The following EYS variants were observed in gnomAD, a reference collection of about 807,000 sequenced individuals.
EYS encodes EGF-like photoreceptor maintenance factor.
A neutral mutation model predicts 282.1 loss-of-function variants in EYS; 250 were observed. The observed-to-expected ratio is 0.89, with a 90% CI of 0.80 to 0.98. The LOEUF (loss-of-function observed/expected upper bound fraction) is 0.98, where lower values mean the gene tolerates loss of function less well. Ranked by LOEUF, EYS falls within the 50% of genes least tolerant of loss-of-function variation. EYS has a pLI of 0.00. For missense variants in EYS, 4,016 were observed against 3,709.0 expected, an observed-to-expected ratio of 1.08 and a Z score of -2.15; for synonymous variants, 1,355 against 1,282.9, an observed-to-expected ratio of 1.06 and a Z score of -1.20.
rs374620644 is a variant in EYS, at chr6:64,016,481, C to A, written c.6726-17298G>T. On this transcript the variant is annotated intron_variant, in intron 33 of 42. Coordinates refer to ENST00000503581, the MANE Select transcript of EYS (RefSeq NM_001142800.2). ...CTATGCTATTGGCTGCTGTGTCATACCTTTTTGATTTTTTTTTTTTTTTTT... is the reference window on the plus strand; with the variant it reads ...CTATGCTATTGGCTGCTGTGTCATAACTTTTTGATTTTTTTTTTTTTTTTT... 7.5e-3 allele frequency among the ~76,000 whole-genome samples: 1,075 copies of A among 143,234 alleles called. 7 individuals carry two copies. Among genetic ancestry groups the A allele is most frequent in the African/African-American group, 0.026 (985 of 37,744 alleles). The allele number at this position is 143,234 out of a possible 152,430, so 94.0% of individuals were successfully genotyped here.
intron 36 of EYS, among the ~76,000 whole-genome samples, chr6:63,826,852 A>G (rs1428300582): frequency 1.3e-5 from 2 of 150,482 alleles, no homozygotes; most frequent in Non-Finnish European, 3.0e-5. Context: ...AAGCAAAAAA[A>G]AAAAAAAAAA....
intron 12 of EYS, among the ~76,000 whole-genome samples, chr6:65,113,543 G>A (rs1009758409): frequency 6.6e-6 from 1 of 151,958 alleles, no homozygotes; most frequent in Non-Finnish European, 1.5e-5. Flanking sequence ...GCTTCAAATG[G>A]CAGTATCTTC....
At chr6:63,928,850 G>C (rs759991139) in intron 35 of EYS, among the ~76,000 whole-genome samples, 2 of 152,158 alleles carry the variant, frequency 1.3e-5, no homozygotes, top group Non-Finnish European at 2.9e-5. Flanking sequence ...TAGGGGGCCT[G>C]CACATTGAAG....
At chr6:64,040,356 T>A (rs1770330853) in intron 33 of EYS, among the ~76,000 whole-genome samples, 1 of 152,208 alleles carries the variant, frequency 6.6e-6, no homozygotes, top group South Asian at 2.1e-4. Context: ...TAATTTGGAA[T>A]TGTAGTTGGA....
intron 26 of EYS, among the ~76,000 whole-genome samples, chr6:64,552,936 C>A (rs547339710): frequency 1.5e-4 from 22 of 145,402 alleles, no homozygotes; most frequent in African/African-American, 4.1e-4. Flanking sequence ...CCCTCCCCCC[C>A]AAAAAAAGAA....
intron 29 of EYS, among the ~76,000 whole-genome samples, chr6:64,324,065 T>C (rs571011052): frequency 3.3e-5 from 5 of 152,240 alleles, no homozygotes; most frequent in African/African-American, 1.2e-4. Context: ...CTCTTAATGG[T>C]CAGTCCAGCT....
intron 13 of EYS, among the ~76,000 whole-genome samples, chr6:65,003,293 G>A (rs746886352): frequency 2.7e-5 from 4 of 147,420 alleles, no homozygotes; most frequent in African/African-American, 7.3e-5. Flanking sequence ...GACTGCAGGC[G>A]TGAAATAGAC....
intron 39 of EYS, among the ~76,000 whole-genome samples, chr6:63,782,938 T>A (rs1276129160): frequency 1.2e-4 from 18 of 149,868 alleles, no homozygotes; most frequent in Admixed American, 6.6e-4. Flanking sequence ...CTTTTTTTTT[T>A]AAACTGCAGT....
chr6:64,082,569 T>G (rs1772008751), intron 31 of EYS, among the ~76,000 whole-genome samples: 2 of 152,094 alleles, frequency 1.3e-5, no homozygotes, highest in Admixed American at 1.3e-4. Flanking sequence ...TATATGTCAA[T>G]AAAGTGAAAA....
chr6:63,993,145 G>GA (rs558657300), intron 34 of EYS, among the ~76,000 whole-genome samples: 322 of 151,754 alleles, frequency 2.1e-3, no homozygotes, highest in Non-Finnish European at 3.2e-3. Flanking sequence ...ACTCTTTCAT[G>GA]AAAAAATACT....
rs1308408249 is a variant in EYS at position 64,591,602 on chromosome 6, G to A, written c.4265C>T (p.Thr1422Ile). 1.3e-6 allele frequency: 2 copies of A among 1,551,192 alleles called. No individual in the cohort carries two copies. The highest frequency in any genetic ancestry group is 1.2e-5 in the South Asian group (1 of 84,050). Residue 1422 changes from threonine (T) to isoleucine (I), a missense_variant, in exon 26 of 43, where the codon ACC (threonine) becomes ATC (isoleucine). Thr to Ile is a moderately conservative substitution (Grantham distance 89, BLOSUM62 -1). Coordinates refer to ENST00000503581, the MANE Select transcript of EYS (RefSeq NM_001142800.2). ...GCTTCTAATTACTGAAGTCGTTGGG[G>A]TAGCAGATAAAGCAACAGTCTGACA... ...ENCQTVALSATPTTSVIRSIP... is the reference protein window; with the variant it reads ...ENCQTVALSAIPTTSVIRSIP...
At position 64,724,860 on chromosome 6, in the gene EYS, A is replaced by G. The variant is rs144519453; in HGVS notation, c.3443+88518T>C. On this transcript the variant is annotated intron_variant, in intron 22 of 42. Transcript: ENST00000503581. ...CCACTTTTAAGAAAAATAATTTGTA[A>G]AAGGTGGCTTCAAATTTTGCTATAG... Among the ~76,000 whole-genome samples the G allele has an allele frequency of 9.3e-4, 141 of 152,302 alleles. 1 individual carries two copies. In the East Asian group the frequency reaches 0.024, roughly 25 times the overall value.
At chr6:63,733,621 G>A (rs114777050) in intron 41 of EYS, among the ~76,000 whole-genome samples, 67 of 152,230 alleles carry the variant, frequency 4.4e-4, no homozygotes, top group African/African-American at 1.5e-3. Context: ...TTTCAATGAT[G>A]CTAGTAAGAG....
At chr6:64,999,432 G>A (rs1207927063) in intron 13 of EYS, among the ~76,000 whole-genome samples, 1 of 152,196 alleles carries the variant, frequency 6.6e-6, no homozygotes, top group Non-Finnish European at 1.5e-5. Context: ...GGAATGGGAA[G>A]AGTGTGGTCC....
chr6:65,177,675 C>A (rs1384977339), intron 12 of EYS, among the ~76,000 whole-genome samples: 1 of 151,718 alleles, frequency 6.6e-6, no homozygotes, highest in East Asian at 2.0e-4. Flanking sequence ...TGGCTTTAAC[C>A]AGTTTCTCTA....
intron 30 of EYS, among the ~76,000 whole-genome samples, chr6:64,282,442 C>A (rs1315725705): frequency 6.6e-6 from 1 of 152,102 alleles, no homozygotes; most frequent in African/African-American, 2.4e-5. Context: ...TCATTTAATT[C>A]TCAGAATTGG....
At chr6:65,172,695 T>A (rs1370684564) in intron 12 of EYS, among the ~76,000 whole-genome samples, 4 of 151,534 alleles carry the variant, frequency 2.6e-5, no homozygotes, top group Admixed American at 2.0e-4. Flanking sequence ...TTGTTAACAG[T>A]TTCCAATTTT....
At chr6:64,980,742 A>C (rs1379560947) in intron 14 of EYS, among the ~76,000 whole-genome samples, 3 of 151,428 alleles carry the variant, frequency 2.0e-5, no homozygotes, top group Non-Finnish European at 1.5e-5. Flanking sequence ...GAGAGGACAC[A>C]TTCTAGTTTT....
chr6:65,249,110 G>A (rs1767254598), intron 12 of EYS, among the ~76,000 whole-genome samples: 1 of 150,754 alleles, frequency 6.6e-6, no homozygotes. Flanking sequence ...ACAAACTGTG[G>A]AATAAAATGA....
Sources: allele counts gnomAD v4.1 joint callset (sites outside exome capture counted in the v4.1 genomes callset), GRCh38; gene constraint gnomAD v4.1.1; transcripts MANE v1.5; gene names NCBI Gene and HGNC (gene_info 2026-07-23, HGNC 2026-07-21).